LCMT1: variants seen among roughly 807,000 people sequenced by gnomAD.
LCMT1 encodes the protein [Phosphatase 2A protein]-leucine-carboxy methyltransferase 1.
A neutral mutation model predicts 47.7 loss-of-function variants in LCMT1; 32 were observed. The ratio of observed to expected loss-of-function variants is 0.67; its 90% CI spans 0.51 to 0.90. The LOEUF is 0.90. Ranked by LOEUF, LCMT1 falls within the 40% of genes least tolerant of loss-of-function variation. The probability of loss-of-function intolerance (pLI) is 0.00; values close to 1 mark genes in which losing one functional copy is unlikely to be tolerated. For missense variants in LCMT1, 375 were observed against 415.2 expected, an observed-to-expected ratio of 0.90 and a Z score of 0.84; for synonymous variants, 152 against 149.7, an observed-to-expected ratio of 1.02 and a Z score of -0.11.
intron 4 of LCMT1, chr16:25,144,096 A>G (rs1200800069): frequency 6.6e-6 from 1 of 152,256 alleles, no homozygotes; most frequent in Non-Finnish European, 1.5e-5. Flanking sequence ...TGGCCTTTGC[A>G]GTGAATGACT....
chr16:25,163,467 CAAA>C (rs11318381), intron 6 of LCMT1, among the ~76,000 whole-genome samples: 8 of 97,488 alleles, frequency 8.2e-5, no homozygotes, highest in Non-Finnish European at 4.2e-5. Context: ...GACTCTGTCT[CAAA>C]AAAAAAAAAA....
In LCMT1 at chr16:25,175,836, TG is replaced by T. The variant is rs1185684919; in HGVS notation, c.982+803del. Among the ~76,000 whole-genome samples the T allele has an allele frequency of 2.0e-5, 3 of 152,276 alleles. No individual in the cohort carries two copies. The East Asian group carries it at 5.8e-4, about 29-fold the overall frequency. On this transcript the variant is annotated intron_variant, in intron 10 of 10. Transcript: ENST00000399069. ...CCGTGAGCATATCCAGAGAACTTGC[TG>T]TTATATCTTTTGTGCTTTTATAGCA...
intron 10 of LCMT1, among the ~76,000 whole-genome samples, chr16:25,177,204 TG>T: frequency 6.6e-6 from 1 of 151,936 alleles, no homozygotes. Flanking sequence ...AGTCACTTAT[TG>T]GGGTATTTGT....
chr16:25,160,697 T>A, intron 5 of LCMT1: 1 of 501,294 alleles, frequency 2.0e-6, no homozygotes, highest in East Asian at 5.5e-5. Flanking sequence ...AAGTTATGTT[T>A]TATCCAGTCA....
At chr16:25,153,698 A>C (rs1426598296) in intron 5 of LCMT1, among the ~76,000 whole-genome samples, 1 of 152,080 alleles carries the variant, frequency 6.6e-6, no homozygotes, top group Admixed American at 6.5e-5. Flanking sequence ...CACGCCTGTA[A>C]TCCCAGCATT....
In LCMT1 at chr16:25,169,233, G is replaced by A. The variant is rs1342830143; in HGVS notation, c.792+20G>A. 2.0e-6 allele frequency: 3 copies of A among 1,508,888 alleles called. No homozygotes were observed. The highest frequency in any genetic ancestry group is 2.3e-5 in the East Asian group (1 of 44,386). The allele number at this position is 1,508,888 out of a possible 1,614,324, so 93.5% of individuals were successfully genotyped here. A position where few individuals can be genotyped will look rare whatever the true frequency, so the allele number is the denominator to read the frequency against. On this transcript the variant is annotated intron_variant, in intron 8 of 10. Transcript: ENST00000399069. ...TCACAGGTCAGAGAGCAGGGACTGG[G>A]ATATCCATTTGGACCCTTAGTCAAC... is the stretch of plus-strand genomic sequence containing the variant.
chr16:25,121,003 C>G (rs1490520315), intron 1 of LCMT1, among the ~76,000 whole-genome samples: 2 of 142,650 alleles, frequency 1.4e-5, no homozygotes, highest in Non-Finnish European at 3.1e-5. Flanking sequence ...TCAAGCAATC[C>G]TCCCACCTTG....
At chr16:25,145,421 A>G (rs762117006) in intron 4 of LCMT1, 1 of 152,248 alleles carries the variant, frequency 6.6e-6, no homozygotes, top group Admixed American at 6.5e-5. Context: ...AGCACAGTCC[A>G]TGTGTACTAT....
chr16:25,114,437 T>C (rs9941197), intron 1 of LCMT1, among the ~76,000 whole-genome samples: 40,029 of 151,984 alleles, frequency 0.26, 5,333 homozygotes, highest in East Asian at 0.37. Flanking sequence ...AGTTTTCTGG[T>C]TGGATATATT....
rs915551606 is a variant in LCMT1 at position 25,132,671 on chromosome 16, A to G, written c.327+148A>G. On this transcript the variant is annotated intron_variant, in intron 3 of 10. Transcript: ENST00000399069. ...TCCCATCTGCCTAGATGCCCCTACGACTCTCAGTCCTGTTTTATCTCACCA... is the reference window on the plus strand; with the variant it reads ...TCCCATCTGCCTAGATGCCCCTACGGCTCTCAGTCCTGTTTTATCTCACCA... 6 of 735,334 alleles carry G rather than the reference A, an allele frequency of 8.2e-6. No homozygotes were observed. In the African/African-American group the frequency reaches 1.1e-4, roughly 13 times the overall value. 45.6% of individuals were successfully genotyped at this position (735,334 alleles called of 1,614,324 possible).
At chr16:25,174,010 C>A (rs1270788009) in intron 9 of LCMT1, among the ~76,000 whole-genome samples, 1 of 152,208 alleles carries the variant, frequency 6.6e-6, no homozygotes, top group East Asian at 1.9e-4. Context: ...CTTCCAGGTT[C>A]AAGCAATTCT....
intron 3 of LCMT1, among the ~76,000 whole-genome samples, chr16:25,134,683 C>T (rs12708670): frequency 0.23 from 34,646 of 152,148 alleles, 4,066 homozygotes; most frequent in East Asian, 0.34. Context: ...TCACAGCAAC[C>T]TCCACCTCCC....
chr16:25,164,581 T>G lies in LCMT1; in HGVS notation c.570-17T>G, dbSNP rs200758814. On this transcript the variant is annotated splice_polypyrimidine_tract_variant and intron_variant, in intron 6 of 10. Coordinates refer to ENST00000399069, the MANE Select transcript of LCMT1 (RefSeq NM_016309.3). The stretch of plus-strand genomic sequence containing the variant: ...GATGATAACAAATTTATGTGCCTTT[T>G]TTTCCTTATCTTTAAGATTGCCAAC... 6 of 1,613,892 alleles carry G rather than the reference T, an allele frequency of 3.7e-6. No homozygotes were observed. Among genetic ancestry groups the G allele is most frequent in the African/African-American group, 1.3e-5 (1 of 75,042 alleles).
rs73565019 is a variant in LCMT1 at position 25,156,879 on chromosome 16, G to A, written c.467-4223G>A. On this transcript the variant is annotated intron_variant, in intron 5 of 10. Coordinates refer to ENST00000399069, the MANE Select transcript of LCMT1 (RefSeq NM_016309.3). ...AGTGCCCCATGAGTGTCAGTTGGGTGGTCAGACAAACTAATCCTCTGTACA... is the reference window on the plus strand; with the variant it reads ...AGTGCCCCATGAGTGTCAGTTGGGTAGTCAGACAAACTAATCCTCTGTACA... Among the ~76,000 whole-genome samples the A allele has an allele frequency of 8.7e-3, 1,321 of 151,738 alleles. 19 individuals carry two copies. The highest frequency in any genetic ancestry group is 0.03 in the African/African-American group (1,257 of 41,326).
At chr16:25,156,398 C>T (rs1050686475) in intron 5 of LCMT1, among the ~76,000 whole-genome samples, 1 of 152,194 alleles carries the variant, frequency 6.6e-6, no homozygotes, top group African/African-American at 2.4e-5. Flanking sequence ...TGAATACTCA[C>T]GTGACTGCTT....
intron 1 of LCMT1, among the ~76,000 whole-genome samples, chr16:25,124,297 GACAA>G (rs1960090796): frequency 6.6e-6 from 1 of 152,132 alleles, no homozygotes; most frequent in African/African-American, 2.4e-5. Flanking sequence ...CATGTATACA[GACAA>G]ACACACACAC....
At chr16:25,151,020 T>C (rs1275238102) in intron 4 of LCMT1, among the ~76,000 whole-genome samples, 1 of 152,098 alleles carries the variant, frequency 6.6e-6, no homozygotes, top group Admixed American at 6.5e-5. Flanking sequence ...GTGTTGGTGT[T>C]TGATTATGGT....
Position 25,132,459 on chromosome 16 carries a change from C to T in LCMT1, c.263C>T (p.Thr88Ile), listed in dbSNP as rs755039761. The part of the protein sequence containing the change: ...SQLIKAFLRK[T>I]ECHCQIVNLG... ...CTTATAAAGGCATTTCTACGGAAGA[C>T]AGAATGTCATTGTCAAATTGTCAAC... The change falls in exon 3 of 11, where the codon ACA becomes ATA. Residue 88 changes from threonine (T) to isoleucine (I), a missense_variant. Thr to Ile is a moderately conservative substitution (Grantham distance 89, BLOSUM62 -1). Transcript: ENST00000399069. 2 of 1,613,706 alleles carry T rather than the reference C, an allele frequency of 1.2e-6. No homozygotes were observed. Among genetic ancestry groups the T allele is most frequent in the African/African-American group, 1.3e-5 (1 of 74,880 alleles).
At chr16:25,141,167 T>G (rs886812641) in intron 4 of LCMT1, 1 of 152,142 alleles carries the variant, frequency 6.6e-6, no homozygotes, top group African/African-American at 2.4e-5. Flanking sequence ...AGACACAAAC[T>G]TTACCAAAAG....
Sources: allele counts gnomAD v4.1 joint callset (sites outside exome capture counted in the v4.1 genomes callset), GRCh38; gene constraint gnomAD v4.1.1; transcripts MANE v1.5; gene names NCBI Gene and HGNC (gene_info 2026-07-23, HGNC 2026-07-21).